ADORA2B: variants seen among roughly 807,000 people sequenced by gnomAD.
ADORA2B encodes the protein adenosine A2b receptor, also known as adenosine receptor A2b.
In ADORA2B, 18 loss-of-function variants were observed where a neutral mutation model predicts 20.8. The observed-to-expected ratio is 0.87, with a 90% CI of 0.60 to 1.29. The LOEUF (loss-of-function observed/expected upper bound fraction) is 1.29. ADORA2B is among the 50% of genes most tolerant of loss of function. ADORA2B has a pLI of 0.00. For synonymous variants in ADORA2B, 179 were observed against 178.3 expected, an observed-to-expected ratio of 1.00 and a Z score of -0.03; for missense variants, 441 against 422.7, an observed-to-expected ratio of 1.04 and a Z score of -0.38.
chr17:15,862,222 T>C, the ADORA2B span, among the ~76,000 whole-genome samples: 2 of 136,168 alleles, frequency 1.5e-5, no homozygotes, highest in East Asian at 2.0e-4. Context: ...TTTTTTTTTT[T>C]TTTTTTTTTT....
At chr17:15,902,161 A>G in the ADORA2B span, among the ~76,000 whole-genome samples, 23 of 151,714 alleles carry the variant, frequency 1.5e-4, no homozygotes, top group African/African-American at 5.6e-4. Flanking sequence ...TTCACTCAGC[A>G]TAATGTTTTC....
upstream of ADORA2B, among the ~76,000 whole-genome samples, chr17:15,942,326 C>T (rs1264800594): frequency 6.6e-6 from 1 of 152,058 alleles, no homozygotes; most frequent in Non-Finnish European, 1.5e-5. Flanking sequence ...CCTCTTGCTC[C>T]TGCTTTCCCC....
chr17:15,948,585 C>T (rs569899881), intron 1 of ADORA2B, among the ~76,000 whole-genome samples: 5 of 152,310 alleles, frequency 3.3e-5, no homozygotes, highest in African/African-American at 1.2e-4. Flanking sequence ...ATGCCACACC[C>T]ACTGTGGGGG....
At chr17:15,896,033 T>C in the ADORA2B span, among the ~76,000 whole-genome samples, 1 of 152,142 alleles carries the variant, frequency 6.6e-6, no homozygotes, top group African/African-American at 2.4e-5. Flanking sequence ...TTTTTGGGTA[T>C]GGGCAGAGAG....
chr17:15,867,543 G>A, the ADORA2B span, among the ~76,000 whole-genome samples: 2 of 147,216 alleles, frequency 1.4e-5, no homozygotes, highest in South Asian at 2.2e-4. Context: ...GAGCGTCTCC[G>A]CCCGGCAGCC....
At chr17:15,855,832 A>G in the ADORA2B span, among the ~76,000 whole-genome samples, 2 of 151,790 alleles carry the variant, frequency 1.3e-5, no homozygotes, top group African/African-American at 4.9e-5. Context: ...TAGTTTTTCA[A>G]CCTTTGCCCC....
the ADORA2B span, among the ~76,000 whole-genome samples, chr17:15,878,087 T>C: frequency 5.9e-5 from 9 of 152,040 alleles, no homozygotes; most frequent in Admixed American, 5.2e-4. Flanking sequence ...GCTATCTGCC[T>C]GGAGGCCTCA....
chr17:15,862,184 T>C, the ADORA2B span, among the ~76,000 whole-genome samples: 1 of 151,120 alleles, frequency 6.6e-6, no homozygotes, highest in Non-Finnish European at 1.5e-5. Context: ...TCTCCCTTTT[T>C]TTTTTCTTTT....
chr17:15,866,700 T>TCTGCCGCTGCCGCTGCCTCTGCCG, the ADORA2B span, among the ~76,000 whole-genome samples: 38 of 123,358 alleles, frequency 3.1e-4, no homozygotes, highest in Middle Eastern at 4.5e-3. Flanking sequence ...TGCCTCTGCC[T>TCTGCCGCTGCCGCTGCCTCTGCCG]CTGCCGCTGC....
intron 1 of ADORA2B, among the ~76,000 whole-genome samples, chr17:15,955,940 G>C (rs1054078017): frequency 6.6e-6 from 1 of 151,886 alleles, no homozygotes; most frequent in East Asian, 1.9e-4. Context: ...GGCTGGTGTC[G>C]AACTCCTGAC....
the ADORA2B span, among the ~76,000 whole-genome samples, chr17:15,904,939 T>C: frequency 2.7e-3 from 409 of 152,362 alleles, 1 homozygote; most frequent in African/African-American, 9.1e-3. Flanking sequence ...AATACTACAC[T>C]GTCTTGATTA....
chr17:15,872,592 C>G, the ADORA2B span, among the ~76,000 whole-genome samples: 1 of 151,906 alleles, frequency 6.6e-6, no homozygotes, highest in Non-Finnish European at 1.5e-5. Flanking sequence ...TTTTGTGGTT[C>G]TTCTTGTACA....
chr17:15,923,687 T>C, the ADORA2B span, among the ~76,000 whole-genome samples: 1 of 152,074 alleles, frequency 6.6e-6, no homozygotes, highest in African/African-American at 2.4e-5. Flanking sequence ...ATTACAAGCG[T>C]GAGCCACCGC....
At chr17:15,881,666 G>A in the ADORA2B span, among the ~76,000 whole-genome samples, 1 of 152,196 alleles carries the variant, frequency 6.6e-6, no homozygotes, top group Non-Finnish European at 1.5e-5. Context: ...TCATAGACGT[G>A]GACTCACACC....
the ADORA2B span, among the ~76,000 whole-genome samples, chr17:15,902,680 T>C: frequency 2.0e-5 from 3 of 152,176 alleles, no homozygotes; most frequent in Non-Finnish European, 4.4e-5. Context: ...GGATACTTAC[T>C]CCATGCTAAT....
the ADORA2B span, among the ~76,000 whole-genome samples, chr17:15,916,014 C>T: frequency 6.6e-6 from 1 of 152,160 alleles, no homozygotes. Context: ...CCTGAGCAGG[C>T]ACTGATTTTC....
the ADORA2B span, among the ~76,000 whole-genome samples, chr17:15,934,410 G>C: frequency 6.6e-6 from 1 of 152,014 alleles, no homozygotes; most frequent in Non-Finnish European, 1.5e-5. Context: ...ATTTTTAGTA[G>C]AGACAGAGTT....
chr17:15,865,520 C>T, the ADORA2B span, among the ~76,000 whole-genome samples: 1 of 151,926 alleles, frequency 6.6e-6, no homozygotes, highest in African/African-American at 2.4e-5. Flanking sequence ...CCTCAGCCTC[C>T]CAAAGTCCTG....
chr17:15,951,212 G>T (rs143368856), intron 1 of ADORA2B, among the ~76,000 whole-genome samples: 7 of 152,194 alleles, frequency 4.6e-5, no homozygotes, highest in Non-Finnish European at 8.8e-5. Context: ...CAGGAAAACC[G>T]TCTTCTGAAA....
Sources: allele counts gnomAD v4.1 joint callset (sites outside exome capture counted in the v4.1 genomes callset), GRCh38; gene constraint gnomAD v4.1.1; transcripts MANE v1.5; gene names NCBI Gene and HGNC (gene_info 2026-07-23, HGNC 2026-07-21).